SIM1: variants seen among roughly 807,000 people sequenced by gnomAD.
The protein encoded by SIM1 is single-minded homolog 1.
Under a neutral mutation model 78.2 loss-of-function variants are expected in SIM1, and 18 were observed. The observed-to-expected ratio is 0.23, with a 90% CI of 0.16 to 0.34. SIM1 has a LOEUF of 0.34. Among genes scored for constraint, SIM1 ranks in the 10% least tolerant of loss-of-function variants. The pLI is 1.00. For missense variants in SIM1, 939 were observed against 975.1 expected, an observed-to-expected ratio of 0.96 and a Z score of 0.49; for synonymous variants, 417 against 385.2, an observed-to-expected ratio of 1.08 and a Z score of -0.97.
intron 9 of SIM1, among the ~76,000 whole-genome samples, chr6:100,427,705 C>T (rs905532342): frequency 1.3e-5 from 2 of 152,176 alleles, no homozygotes; most frequent in Non-Finnish European, 2.9e-5. Context: ...GACCTGCCAT[C>T]ACACTACATC....
intron 9 of SIM1, among the ~76,000 whole-genome samples, chr6:100,438,664 A>C (rs919623966): frequency 2.0e-5 from 3 of 152,232 alleles, no homozygotes; most frequent in Non-Finnish European, 2.9e-5. Flanking sequence ...ATGCACATGC[A>C]TGTTTATAGC....
At chr6:100,443,579 C>T (rs977603611) in intron 9 of SIM1, among the ~76,000 whole-genome samples, 24 of 152,194 alleles carry the variant, frequency 1.6e-4, no homozygotes, top group African/African-American at 5.8e-4. Context: ...TAATTGAGAT[C>T]ATACACCAAT....
intron 10 of SIM1, among the ~76,000 whole-genome samples, chr6:100,412,705 AAGAAAGAAAGAAAGAAAG>A (rs1771267076): frequency 7.6e-6 from 1 of 131,612 alleles, no homozygotes; most frequent in Non-Finnish European, 1.6e-5. Context: ...GAAAGAAAGA[AAGAAAGAAAGAAAGAAAG>A]AAAGAAAGAA....
At chr6:100,401,099 C>A (rs1054811399) in intron 10 of SIM1, among the ~76,000 whole-genome samples, 1 of 152,110 alleles carries the variant, frequency 6.6e-6, no homozygotes, top group Non-Finnish European at 1.5e-5. Context: ...GTGACAGACA[C>A]TCCGAAGACA....
intron 9 of SIM1, among the ~76,000 whole-genome samples, chr6:100,429,932 T>C (rs1020569662): frequency 6.6e-6 from 1 of 152,210 alleles, no homozygotes; most frequent in Non-Finnish European, 1.5e-5. Flanking sequence ...GCTGTCTCAG[T>C]GCCTGCATGT....
chr6:100,439,250 C>G (rs759664503), intron 9 of SIM1, among the ~76,000 whole-genome samples: 3 of 152,164 alleles, frequency 2.0e-5, no homozygotes, highest in Non-Finnish European at 2.9e-5. Context: ...AACAGTGTTA[C>G]AAGGAGTGCT....
chr6:100,453,643 G>GT (rs757318253), intron 3 of SIM1, 119 bp downstream of exon 3: 9 of 739,948 alleles, frequency 1.2e-5, no homozygotes, highest in Middle Eastern at 2.8e-4. Context: ...CCCTGTTTTT[G>GT]TGGGGGGGGT....
At chr6:100,448,084 C>T (rs935863497) in intron 8 of SIM1, 62 bp downstream of exon 8, 1 of 1,368,522 alleles carries the variant, frequency 7.3e-7, no homozygotes, top group Admixed American at 1.9e-5. Context: ...TCGTGGCTCC[C>T]CCACCCCCTA....
At chr6:100,421,103 TTATTCTA>T in intron 9 of SIM1, 145 bp from the exon 10 acceptor site, 1 of 741,124 alleles carries the variant, frequency 1.3e-6, no homozygotes, top group Non-Finnish European at 2.2e-6. Context: ...AGCACCTGGA[TTATTCTA>T]GCAAGGCCTA....
chr6:100,412,683 A>AAAG (rs1771260192), intron 10 of SIM1, among the ~76,000 whole-genome samples: 11 of 77,112 alleles, frequency 1.4e-4, no homozygotes, highest in African/African-American at 4.9e-4. Context: ...GAAAGAAAGA[A>AAAG]AAAGAAAGAA....
chr6:100,416,551 T>C (rs551374752), intron 10 of SIM1, among the ~76,000 whole-genome samples: 67 of 152,146 alleles, frequency 4.4e-4, no homozygotes, highest in Admixed American at 1.0e-3. Context: ...GCCAAAAATA[T>C]GTAAATATGT....
intron 3 of SIM1, 103 bp downstream of exon 3, chr6:100,453,659 G>GT (rs375390946): frequency 0.021 from 15,948 of 753,418 alleles, 52 homozygotes; most frequent in African/African-American, 0.048. Flanking sequence ...GGGGTTGTTT[G>GT]TTTTTTTTTT....
chr6:100,400,835 A>G (rs1446184019), intron 10 of SIM1, among the ~76,000 whole-genome samples: 4 of 152,138 alleles, frequency 2.6e-5, no homozygotes, highest in African/African-American at 9.6e-5. Flanking sequence ...TTGAGTTAGA[A>G]AATATACATT....
At chr6:100,458,574 G>A (rs1256873421) in intron 2 of SIM1, among the ~76,000 whole-genome samples, 2 of 152,232 alleles carry the variant, frequency 1.3e-5, no homozygotes, top group African/African-American at 4.8e-5. Flanking sequence ...GCAGGGGGCG[G>A]CTCCTGGGCC....
intron 10 of SIM1, among the ~76,000 whole-genome samples, chr6:100,407,569 C>T (rs753621289): frequency 1.8e-4 from 27 of 152,030 alleles, no homozygotes; most frequent in Non-Finnish European, 4.0e-4. Flanking sequence ...ATTCCACTAA[C>T]TGCCTGGGTT....
At chr6:100,459,462 T>C (rs1302876874) in intron 2 of SIM1, among the ~76,000 whole-genome samples, 2 of 152,168 alleles carry the variant, frequency 1.3e-5, no homozygotes, top group East Asian at 1.9e-4. Context: ...AAAATAAACA[T>C]GGAAACCTAA....
At chr6:100,413,178 A>G (rs895423851) in intron 10 of SIM1, among the ~76,000 whole-genome samples, 12 of 152,152 alleles carry the variant, frequency 7.9e-5, no homozygotes, top group Non-Finnish European at 1.8e-4. Context: ...TTCCCCATTG[A>G]ATCCATAAGC....
intron 10 of SIM1, among the ~76,000 whole-genome samples, chr6:100,414,802 A>G (rs1008258702): frequency 2.0e-5 from 3 of 152,244 alleles, no homozygotes; most frequent in Non-Finnish European, 2.9e-5. Flanking sequence ...TCAGTCTCTC[A>G]GCATAGTAGT....
intron 9 of SIM1, among the ~76,000 whole-genome samples, chr6:100,438,761 T>C (rs1044099972): frequency 1.3e-5 from 2 of 152,222 alleles, no homozygotes; most frequent in African/African-American, 4.8e-5. Context: ...ATATATATAC[T>C]GTGGAATATC....
Sources: allele counts gnomAD v4.1 joint callset (sites outside exome capture counted in the v4.1 genomes callset), GRCh38; gene constraint gnomAD v4.1.1; transcripts MANE v1.5; gene names NCBI Gene and HGNC (gene_info 2026-07-23, HGNC 2026-07-21).